CDH18: variants seen among roughly 807,000 people sequenced by gnomAD.
CDH18 encodes the protein cadherin-18.
In CDH18, 31 loss-of-function variants were observed where a neutral mutation model predicts 67.9. That is an observed-to-expected ratio of 0.46 (90% CI 0.34 to 0.62). The LOEUF (loss-of-function observed/expected upper bound fraction) is 0.62, where lower values mean the gene tolerates loss of function less well. Ranked by LOEUF, CDH18 falls within the 20% of genes least tolerant of loss-of-function variation. The probability of loss-of-function intolerance (pLI) is 0.01; values close to 1 mark genes in which losing one functional copy is unlikely to be tolerated. For synonymous variants in CDH18, 362 were observed against 347.2 expected, an observed-to-expected ratio of 1.04 and a Z score of -0.48; for missense variants, 890 against 975.5, an observed-to-expected ratio of 0.91 and a Z score of 1.17.
intron 8 of CDH18, among the ~76,000 whole-genome samples, chr5:19,545,741 A>C (rs1736206977): frequency 6.6e-6 from 1 of 152,202 alleles, no homozygotes; most frequent in Non-Finnish European, 1.5e-5. Context: ...AGTTTGGGAA[A>C]AATTAATGAT....
At chr5:19,818,485 CA>C (rs1337904866) in intron 3 of CDH18, among the ~76,000 whole-genome samples, 3 of 150,590 alleles carry the variant, frequency 2.0e-5, no homozygotes, top group African/African-American at 7.3e-5. Context: ...AAAGAACGAA[CA>C]AATTGTTTTA....
At chr5:20,359,716 C>T (rs1741938158) in intron 1 of CDH18, among the ~76,000 whole-genome samples, 1 of 152,094 alleles carries the variant, frequency 6.6e-6, no homozygotes, top group Admixed American at 6.6e-5. Flanking sequence ...ACTAATTCTC[C>T]ACCAGTTTTC....
chr5:19,928,798 A>G (rs938164103), intron 2 of CDH18, among the ~76,000 whole-genome samples: 8 of 152,214 alleles, frequency 5.3e-5, no homozygotes, highest in Non-Finnish European at 1.0e-4. Context: ...TTGGCTGCAC[A>G]GTGGGGCTCA....
At chr5:20,546,682 T>C (rs986988960) in intron 1 of CDH18, among the ~76,000 whole-genome samples, 6 of 151,796 alleles carry the variant, frequency 4.0e-5, no homozygotes, top group African/African-American at 1.2e-4. Context: ...CCTGGATATG[T>C]GGGGATTACA....
At chr5:20,121,138 C>T (rs748965570) in intron 2 of CDH18, among the ~76,000 whole-genome samples, 16 of 152,178 alleles carry the variant, frequency 1.1e-4, no homozygotes, top group Admixed American at 1.3e-4. Flanking sequence ...CTGTGCAAAG[C>T]GCACAGTGTA....
chr5:19,743,136 T>C (rs997237617), intron 4 of CDH18, among the ~76,000 whole-genome samples: 3 of 152,136 alleles, frequency 2.0e-5, no homozygotes, highest in Non-Finnish European at 2.9e-5. Context: ...TAGGCTATCT[T>C]AGTATCACAG....
intron 2 of CDH18, among the ~76,000 whole-genome samples, chr5:20,164,881 C>G (rs1260161337): frequency 6.6e-6 from 1 of 152,154 alleles, no homozygotes; most frequent in Admixed American, 6.5e-5. Context: ...TTGTTGACTT[C>G]ATGAATACCA....
At chr5:19,766,220 A>C (rs572007481) in intron 3 of CDH18, among the ~76,000 whole-genome samples, 97 of 152,274 alleles carry the variant, frequency 6.4e-4, no homozygotes, top group Non-Finnish European at 1.3e-3. Flanking sequence ...TTCACTTACG[A>C]GTCTGAACTC....
At chr5:20,348,743 C>A (rs1272541889) in intron 1 of CDH18, among the ~76,000 whole-genome samples, 2 of 152,116 alleles carry the variant, frequency 1.3e-5, no homozygotes, top group Non-Finnish European at 2.9e-5. Flanking sequence ...GCATTTCCAG[C>A]TTCCAGATGA....
At chr5:19,506,831 G>A (rs936554812) in intron 10 of CDH18, among the ~76,000 whole-genome samples, 1 of 152,142 alleles carries the variant, frequency 6.6e-6, no homozygotes, top group Non-Finnish European at 1.5e-5. Context: ...TACCATTCAG[G>A]ACATAGGCAT....
At chr5:20,281,504 G>C (rs980750566) in intron 1 of CDH18, among the ~76,000 whole-genome samples, 2 of 152,124 alleles carry the variant, frequency 1.3e-5, no homozygotes, top group Non-Finnish European at 2.9e-5. Context: ...GCTTGTCAAA[G>C]ATCAGATGGT....
chr5:20,481,379 A>C (rs1055714316), intron 1 of CDH18, among the ~76,000 whole-genome samples: 3 of 152,082 alleles, frequency 2.0e-5, no homozygotes, highest in Non-Finnish European at 4.4e-5. Flanking sequence ...AGACTTCAAC[A>C]CTCCATTTTT....
chr5:20,306,408 G>A (rs75633750), intron 1 of CDH18, among the ~76,000 whole-genome samples: 17,280 of 151,854 alleles, frequency 0.11, 1,615 homozygotes, highest in African/African-American at 0.24. Flanking sequence ...AGAAAATCCC[G>A]AACTCAAAGT....
chr5:20,490,349 A>G (rs10035855), intron 1 of CDH18, among the ~76,000 whole-genome samples: 1 of 152,054 alleles, frequency 6.6e-6, no homozygotes, highest in Non-Finnish European at 1.5e-5. Context: ...AGACTATACA[A>G]CTTTCTAGAT....
chr5:20,496,021 G>A (rs1753885407), intron 1 of CDH18, among the ~76,000 whole-genome samples: 1 of 152,034 alleles, frequency 6.6e-6, no homozygotes, highest in Non-Finnish European at 1.5e-5. Flanking sequence ...AGAGATCCAA[G>A]TGTGGATAAA....
intron 3 of CDH18, among the ~76,000 whole-genome samples, chr5:19,802,411 T>C (rs1364914326): frequency 6.6e-6 from 1 of 152,100 alleles, no homozygotes; most frequent in Non-Finnish European, 1.5e-5. Context: ...GGAGTAAGTT[T>C]AAAAAAGAAA....
chr5:20,364,672 C>G (rs1742370096), intron 1 of CDH18, among the ~76,000 whole-genome samples: 1 of 152,140 alleles, frequency 6.6e-6, no homozygotes, highest in Non-Finnish European at 1.5e-5. Context: ...TTATCTAAAT[C>G]TTATTTCTAC....
At chr5:20,473,932 C>T (rs1354252488) in intron 1 of CDH18, among the ~76,000 whole-genome samples, 2 of 152,092 alleles carry the variant, frequency 1.3e-5, no homozygotes, top group Non-Finnish European at 2.9e-5. Context: ...CCACCTCAAA[C>T]CTTGCCTTAT....
intron 2 of CDH18, among the ~76,000 whole-genome samples, chr5:19,840,037 T>A (rs183344524): frequency 5.4e-4 from 82 of 151,040 alleles, no homozygotes; most frequent in African/African-American, 2.0e-3. Context: ...GGTGGGCAGA[T>A]CACAAGGCAA....
Sources: gnomAD v4.1 joint callset for allele counts (sites outside exome capture counted in the v4.1 genomes callset) on GRCh38, gnomAD v4.1.1 for gene constraint, MANE v1.5 for transcripts, NCBI Gene and HGNC (gene_info 2026-07-23, HGNC 2026-07-21) for gene names.